The following SH3PXD2A variants were observed in gnomAD, a reference collection of about 807,000 sequenced individuals.
SH3PXD2A encodes the protein SH3 and PX domains 2A.
A neutral mutation model predicts 115.2 loss-of-function variants in SH3PXD2A; 32 were observed. That is an observed-to-expected ratio of 0.28 (90% confidence interval 0.21 to 0.37). The LOEUF is 0.37. SH3PXD2A is among the 10% of genes least tolerant of loss of function. SH3PXD2A has a pLI of 1.00. For missense variants in SH3PXD2A, 1,328 were observed against 1,498.7 expected (o/e 0.89, Z 1.88); for synonymous variants, 610 against 629.1 (o/e 0.97, Z 0.45).
At chr10:103,720,482 C>T (rs1183871434) in intron 5 of SH3PXD2A, among the ~76,000 whole-genome samples, 2 of 152,190 alleles carry the variant, frequency 1.3e-5, no homozygotes, top group South Asian at 2.1e-4. Flanking sequence ...CTGTGACAGA[C>T]CTTGTCTTCT....
rs546277017 is a variant in SH3PXD2A at position 103,851,359 on chromosome 10, G to A, written c.72+3836C>T. Among the ~76,000 whole-genome samples, 9 of 152,256 alleles carry A rather than the reference G, an allele frequency of 5.9e-5. No homozygotes were observed. In the South Asian group the frequency reaches 1.9e-3, roughly 32 times the overall value. On this transcript the variant is annotated intron_variant, in intron 1 of 14. Coordinates refer to ENST00000369774, the MANE Select transcript of SH3PXD2A (RefSeq NM_001394015.1). ...TGCTCTACTCCTCCTGCCTCACAGTGACCCGCCTGCGTTGCCCACCATGAA... is the reference window on the plus strand; with the variant it reads ...TGCTCTACTCCTCCTGCCTCACAGTAACCCGCCTGCGTTGCCCACCATGAA...
At chr10:103,704,467 A>G (rs55977604) in intron 5 of SH3PXD2A, among the ~76,000 whole-genome samples, 3,269 of 152,306 alleles carry the variant, frequency 0.021, 53 homozygotes, top group Middle Eastern at 0.051. Context: ...TTCCAGGTCC[A>G]TCTGAATGAC....
In SH3PXD2A at chr10:103,661,060, T is replaced by G. The variant is rs566015876; in HGVS notation, c.527A>C (p.Asn176Thr). The G allele has an allele frequency of 6.2e-7, 1 of 1,613,990 alleles. No homozygotes were observed. The highest frequency in any genetic ancestry group is 8.5e-7 in the Non-Finnish European group (1 of 1,179,982). ...MILEQYVVVS[N>T]YKKQENSELS... ...CTCCGAGTTCTCCTGCTTCTTATAG[T>G]TGGACACCACCACGTACTGTTCCAG... The change falls in exon 8 of 15, where the codon AAC (asparagine) becomes ACC (threonine). Residue 176 changes from asparagine (N) to threonine (T), a missense_variant. Asn to Thr is a moderately conservative substitution (Grantham distance 65). This residue lies in a region of SH3PXD2A where 90 missense variants were observed against 71.1 expected (regional missense o/e 1.27). Coordinates refer to ENST00000369774, the MANE Select transcript of SH3PXD2A (RefSeq NM_001394015.1).
intron 3 of SH3PXD2A, among the ~76,000 whole-genome samples, chr10:103,745,140 C>G (rs55908597): frequency 2.0e-5 from 3 of 152,218 alleles, no homozygotes; most frequent in Admixed American, 2.0e-4. Context: ...TGCCAAGCCC[C>G]AAGCTGCTAG....
At chr10:103,736,783 G>C (rs1043242925) in intron 3 of SH3PXD2A, 1 of 1,289,212 alleles carries the variant, frequency 7.8e-7, no homozygotes, top group African/African-American at 1.5e-5. Flanking sequence ...GTGCTCACCT[G>C]TAGCTGTAAC....
chr10:103,697,356 AG>A (rs1368037206), intron 5 of SH3PXD2A, among the ~76,000 whole-genome samples: 1 of 152,150 alleles, frequency 6.6e-6, no homozygotes, highest in Non-Finnish European at 1.5e-5. Flanking sequence ...GACCCACCTC[AG>A]TTGCTACACA....
chr10:103,784,536 C>G lies in SH3PXD2A; in HGVS notation c.153+16746G>C, dbSNP rs1564888390. Among the ~76,000 whole-genome samples the G allele has an allele frequency of 6.6e-6, 1 of 152,212 alleles. No homozygotes were observed. Among genetic ancestry groups the G allele is most frequent in the Admixed American group, 6.5e-5 (1 of 15,280 alleles). On this transcript the variant is annotated intron_variant, in intron 2 of 14. Coordinates refer to ENST00000369774, the MANE Select transcript of SH3PXD2A (RefSeq NM_001394015.1). The surrounding 1 kb of genome is among the most constrained non-coding windows in gnomAD (Gnocchi z 4.4). Reference sequence around the variant, plus strand: ...CACGTGTTAAATCTGGGCAGTCGGTCCTCTCATGCCTGTGATATCATTTTC... The same window carrying G: ...CACGTGTTAAATCTGGGCAGTCGGTGCTCTCATGCCTGTGATATCATTTTC...
At chr10:103,612,725 A>G (rs2036446730) in intron 12 of SH3PXD2A, 128 bp downstream of exon 12, 3 of 612,194 alleles carry the variant, frequency 4.9e-6, no homozygotes, top group Non-Finnish European at 8.4e-6. Context: ...GTGAGGGTCA[A>G]AGGCCAGTCT....
At chr10:103,813,334 A>T (rs985034664) in intron 1 of SH3PXD2A, among the ~76,000 whole-genome samples, 1 of 152,130 alleles carries the variant, frequency 6.6e-6, no homozygotes, top group African/African-American at 2.4e-5. Flanking sequence ...TTTTCTTTTT[A>T]GAGACAGAGT....
chr10:103,675,131 C>G (rs940963960), intron 6 of SH3PXD2A, among the ~76,000 whole-genome samples: 1 of 152,058 alleles, frequency 6.6e-6, no homozygotes, highest in Non-Finnish European at 1.5e-5. Context: ...GCTCGGACCC[C>G]AGGCCTGCTC....
chr10:103,804,336 TTTTG>T (rs1336917067), intron 1 of SH3PXD2A, among the ~76,000 whole-genome samples: 2 of 143,732 alleles, frequency 1.4e-5, no homozygotes, highest in African/African-American at 5.5e-5. Flanking sequence ...TTTTTTTTTT[TTTTG>T]AGACGGAGTC....
At chr10:103,624,314 C>T (rs1214455947) in intron 9 of SH3PXD2A, among the ~76,000 whole-genome samples, 6 of 152,202 alleles carry the variant, frequency 3.9e-5, no homozygotes, top group Non-Finnish European at 1.5e-5. Flanking sequence ...TCCCAATATG[C>T]GCCCACTCTG....
chr10:103,713,680 C>T (rs1236776115), intron 5 of SH3PXD2A, among the ~76,000 whole-genome samples: 3 of 152,306 alleles, frequency 2.0e-5, no homozygotes, highest in South Asian at 4.1e-4. Context: ...TGCGCAAGGC[C>T]CTGCACCTAT....
chr10:103,681,506 G>A (rs983232344), intron 6 of SH3PXD2A, among the ~76,000 whole-genome samples: 16 of 152,228 alleles, frequency 1.1e-4, no homozygotes, highest in Non-Finnish European at 1.6e-4. Context: ...AGTGGCTCAC[G>A]CCTATAATCC....
chr10:103,786,489 A>AC (rs572738953), intron 2 of SH3PXD2A, among the ~76,000 whole-genome samples: 19 of 151,868 alleles, frequency 1.3e-4, no homozygotes, highest in Middle Eastern at 3.4e-3. Flanking sequence ...ACATAGCGAG[A>AC]CCCCCCATCT....
At position 103,747,388 on chromosome 10, in the gene SH3PXD2A, G is replaced by A. The variant is rs952627660; in HGVS notation, c.230-11580C>T. 5.9e-5 allele frequency among the ~76,000 whole-genome samples: 9 copies of A among 152,244 alleles called. No individual in the cohort carries two copies. The South Asian group carries it at 1.2e-3, about 21-fold the overall frequency. On this transcript the variant is annotated intron_variant, in intron 3 of 14. Transcript: ENST00000369774. ...GCTCTGTACCCTCCCTGTGGGAGCC[G>A]GGAATAAAGGGCCCCATTCAGCCTG...
chr10:103,816,752 T>C (rs2039327347), intron 1 of SH3PXD2A, among the ~76,000 whole-genome samples: 1 of 152,214 alleles, frequency 6.6e-6, no homozygotes, highest in South Asian at 2.1e-4. Context: ...TTATGTAATG[T>C]TATGTAATAA....
At position 103,793,097 on chromosome 10, in the gene SH3PXD2A, T is replaced by G. The variant is rs1467106660; in HGVS notation, c.153+8185A>C. Among the ~76,000 whole-genome samples the G allele has an allele frequency of 2.0e-5, 3 of 152,210 alleles. No homozygotes were observed. The East Asian group carries it at 5.8e-4, about 29-fold the overall frequency. On this transcript the variant is annotated intron_variant, in intron 2 of 14. Transcript: ENST00000369774. ...CCCTAGCTCCCCCAATAGGTGACTCTTTAACTATTCAATATTAATGTTGCA... is the reference window on the plus strand; with the variant it reads ...CCCTAGCTCCCCCAATAGGTGACTCGTTAACTATTCAATATTAATGTTGCA...
At chr10:103,676,309 T>G (rs2037532831) in intron 6 of SH3PXD2A, among the ~76,000 whole-genome samples, 1 of 152,138 alleles carries the variant, frequency 6.6e-6, no homozygotes, top group Non-Finnish European at 1.5e-5. Flanking sequence ...AATGCACTAT[T>G]GACCCTCTGG....
Sources: allele counts gnomAD v4.1 joint callset (sites outside exome capture counted in the v4.1 genomes callset), GRCh38; gene constraint gnomAD v4.1.1; regional missense constraint gnomAD v4.1.1; non-coding constraint Gnocchi (gnomAD v3.1); transcripts MANE v1.5; gene names NCBI Gene and HGNC (gene_info 2026-07-23, HGNC 2026-07-21).